The following BRDT variants were observed in gnomAD, a reference collection of about 807,000 sequenced individuals.
The protein encoded by BRDT is bromodomain testis associated.
Under a neutral mutation model 113.9 loss-of-function variants are expected in BRDT, and 77 were observed. The ratio of observed to expected loss-of-function variants is 0.68; its 90% confidence interval spans 0.56 to 0.82. The LOEUF (loss-of-function observed/expected upper bound fraction) is 0.82, where lower values mean the gene tolerates loss of function less well. Among genes scored for constraint, BRDT ranks in the 40% least tolerant of loss-of-function variants. BRDT has a pLI of 0.00. For missense variants in BRDT, 1,027 were observed against 1,105.4 expected, an observed-to-expected ratio of 0.93 and a Z score of 1.01; for synonymous variants, 358 against 366.5, an observed-to-expected ratio of 0.98 and a Z score of 0.26.
intron 3 of BRDT, among the ~76,000 whole-genome samples, chr1:91,965,314 C>G (rs1682943804): frequency 6.6e-6 from 1 of 152,204 alleles, no homozygotes; most frequent in East Asian, 1.9e-4. Flanking sequence ...TATTTTTGTG[C>G]CTGAATAGCT....
intron 1 of BRDT, among the ~76,000 whole-genome samples, chr1:91,955,844 A>G (rs575149037): frequency 1.3e-5 from 2 of 152,298 alleles, no homozygotes; most frequent in South Asian, 2.1e-4. Context: ...AATATTAGCT[A>G]TTGTTTTGCC....
intron 1 of BRDT, among the ~76,000 whole-genome samples, chr1:91,959,978 C>T (rs1309007983): frequency 6.6e-6 from 1 of 152,090 alleles, no homozygotes; most frequent in African/African-American, 2.4e-5. Context: ...GGGACCTGAG[C>T]ATTGGTATTT....
intron 18 of BRDT, among the ~76,000 whole-genome samples, chr1:92,013,369 A>G (rs1325946751): frequency 6.6e-6 from 1 of 152,198 alleles, no homozygotes; most frequent in Non-Finnish European, 1.5e-5. Context: ...CACAATTCCA[A>G]ATATTTTCCC....
intron 6 of BRDT, 63 bp downstream of exon 6, chr1:91,977,456 A>G: frequency 7.8e-7 from 1 of 1,289,566 alleles, no homozygotes; most frequent in Non-Finnish European, 1.1e-6. Flanking sequence ...TCATCATTGC[A>G]AAGAAATCTT....
rs1687113165 is a variant in BRDT at position 92,004,443 on chromosome 1, G to A, written c.2418G>A (p.Trp806Ter). 2 of 1,608,608 alleles carry A rather than the reference G, an allele frequency of 1.2e-6. No homozygotes were observed. Among genetic ancestry groups the A allele is most frequent in the East Asian group, 4.5e-5 (2 of 44,774 alleles). The change falls in exon 17 of 19, where the codon TGG becomes TGA. Residue 806 changes from tryptophan to a stop codon, truncating the protein, a stop_gained. Coordinates refer to ENST00000399546, the MANE Select transcript of BRDT (RefSeq NM_207189.4). LOFTEE classifies it high-confidence loss of function. ...TAAAGATTAAGAATGCAGATTCATG[G>A]AAAAGTTTAGGCAAACCAGTGAAAC... is the stretch of plus-strand genomic sequence containing the variant. Reference protein sequence around the residue: ...KDIKIKNADSWKSLGKPVKPS... With the variant: ...KDIKIKNADS
At chr1:91,969,481 CTTA>C (rs1198640311) in intron 4 of BRDT, among the ~76,000 whole-genome samples, 1 of 151,730 alleles carries the variant, frequency 6.6e-6, no homozygotes, top group Non-Finnish European at 1.5e-5. Context: ...AGTCCTTATT[CTTA>C]TTTTAGAAAA....
At chr1:92,007,147 G>A (rs1200399311) in intron 18 of BRDT, among the ~76,000 whole-genome samples, 4 of 152,234 alleles carry the variant, frequency 2.6e-5, no homozygotes, top group African/African-American at 9.6e-5. Flanking sequence ...TGTTAAGTTT[G>A]AGTTCATCAT....
intron 4 of BRDT, 132 bp from the exon 5 acceptor site, chr1:91,976,134 T>TC: frequency 1.1e-6 from 1 of 893,336 alleles, no homozygotes; most frequent in Non-Finnish European, 1.6e-6. Context: ...TGTGTGTAGA[T>TC]TTCAAAATGA....
chr1:91,959,363 T>C (rs970718574), intron 1 of BRDT, among the ~76,000 whole-genome samples: 1 of 151,976 alleles, frequency 6.6e-6, no homozygotes, highest in Non-Finnish European at 1.5e-5. Context: ...GCCAGTTTAG[T>C]TGTGACATCC....
At chr1:92,010,759 T>A (rs942580241) in intron 18 of BRDT, among the ~76,000 whole-genome samples, 7 of 152,192 alleles carry the variant, frequency 4.6e-5, no homozygotes, top group South Asian at 4.1e-4. Flanking sequence ...TGGTTTTTTT[T>A]ATCTCTATTA....
chr1:92,002,043 A>C lies in BRDT; in HGVS notation c.2288-6A>C, dbSNP rs780208816. ...ATTATACTATTCTAAAAATGTGTGC[A>C]TCCAGGTGATTCTGAACAGCTCTCA... On this transcript the variant is annotated splice_polypyrimidine_tract_variant and splice_region_variant and intron_variant, in intron 15 of 18. Transcript: ENST00000399546. The C allele has an allele frequency of 1.3e-6, 2 of 1,593,012 alleles. No homozygotes were observed. The highest frequency in any genetic ancestry group is 2.7e-5 in the African/African-American group (2 of 74,246).
At chr1:91,970,987 G>A (rs1683579515) in intron 4 of BRDT, among the ~76,000 whole-genome samples, 1 of 151,916 alleles carries the variant, frequency 6.6e-6, no homozygotes, top group Non-Finnish European at 1.5e-5. Flanking sequence ...GGTTTATTTG[G>A]CTCATGGTTT....
At chr1:91,970,586 G>A (rs564788030) in intron 4 of BRDT, among the ~76,000 whole-genome samples, 25 of 152,318 alleles carry the variant, frequency 1.6e-4, no homozygotes, top group African/African-American at 4.3e-4. Context: ...AAATTGATAC[G>A]TGATGTGTGC....
chr1:91,998,125 C>G (rs543680710), intron 15 of BRDT, among the ~76,000 whole-genome samples: 2 of 152,226 alleles, frequency 1.3e-5, no homozygotes, highest in Non-Finnish European at 2.9e-5. Flanking sequence ...TACCCTTATC[C>G]TTATAGTTTA....
chr1:91,958,234 T>A (rs28843403), intron 1 of BRDT, among the ~76,000 whole-genome samples: 27 of 147,312 alleles, frequency 1.8e-4, no homozygotes, highest in African/African-American at 4.8e-4. Context: ...TTTTTTTTTT[T>A]AAAAGGAGTC....
rs1194500800 is a variant in BRDT, at chr1:91,991,515, G to C, written c.2064+270G>C. Among the ~76,000 whole-genome samples, 5 of 152,216 alleles carry C rather than the reference G, an allele frequency of 3.3e-5. No individual in the cohort carries two copies. In the East Asian group the frequency reaches 9.6e-4, roughly 29 times the overall value. Reference sequence around the variant, plus strand: ...TAGAAGCTTCAGCTTATCCCTGAGAGTCTGAATACAGAGGGATGGCCTTGG... The same window carrying C: ...TAGAAGCTTCAGCTTATCCCTGAGACTCTGAATACAGAGGGATGGCCTTGG... On this transcript the variant is annotated intron_variant, in intron 13 of 18. Transcript: ENST00000399546.
At position 91,978,205 on chromosome 1, in the gene BRDT, A is replaced by T. The variant is rs1064567; in HGVS notation, c.1007A>T (p.Lys336Ile). ...MDNQEYKDAY[K>I]FAADVRLMFM... ...AACCAAGAATATAAGGATGCATACA[A>T]ATTTGCGGCAGATGTTAGATTAATG... The change falls in exon 7 of 19, where the codon AAA becomes ATA. Residue 336 changes from lysine (K) to isoleucine (I), a missense_variant. Lys to Ile is a moderately radical substitution (Grantham distance 102, BLOSUM62 -3). Transcript: ENST00000399546. 6.2e-7 allele frequency: 1 copy of T among 1,613,908 alleles called. No individual in the cohort carries two copies. The highest frequency in any genetic ancestry group is 8.5e-7 in the Non-Finnish European group (1 of 1,179,850).
At chr1:91,987,500 A>AT (rs1291915249) in intron 12 of BRDT, among the ~76,000 whole-genome samples, 2 of 150,682 alleles carry the variant, frequency 1.3e-5, no homozygotes, top group Non-Finnish European at 3.0e-5. Context: ...TCCCCGGCTA[A>AT]TTTTTTTGAT....
At chr1:91,976,227 A>G (rs1305860096) in intron 4 of BRDT, 39 bp from the exon 5 acceptor site, 4 of 1,512,270 alleles carry the variant, frequency 2.6e-6, no homozygotes, top group South Asian at 1.3e-5. Flanking sequence ...TTTGTACTTT[A>G]TTCATTCATA....
Sources: allele counts gnomAD v4.1 joint callset (sites outside exome capture counted in the v4.1 genomes callset), GRCh38; gene constraint gnomAD v4.1.1; transcripts MANE v1.5; gene names NCBI Gene and HGNC (gene_info 2026-07-23, HGNC 2026-07-21).